The following DNAH6 variants were observed in gnomAD, a reference collection of about 807,000 sequenced individuals.
DNAH6 encodes dynein axonemal heavy chain 6.
A neutral mutation model predicts 491.4 loss-of-function variants in DNAH6; 340 were observed. That is an observed-to-expected ratio of 0.69 (90% confidence interval 0.63 to 0.76). The LOEUF (loss-of-function observed/expected upper bound fraction) is 0.76. Among genes scored for constraint, DNAH6 ranks in the 30% least tolerant of loss-of-function variants. The pLI is 0.00. For missense variants in DNAH6, 4,443 were observed against 4,972.2 expected (o/e 0.89, Z 3.20); for synonymous variants, 1,603 against 1,686.1 (o/e 0.95, Z 1.21).
the DNAH6 span, among the ~76,000 whole-genome samples, chr2:84,476,676 T>A: frequency 6.6e-6 from 1 of 152,118 alleles, no homozygotes; most frequent in Non-Finnish European, 1.5e-5. Flanking sequence ...GAATTTTTGC[T>A]CCATCCTTAT....
chr2:84,599,525 G>T (rs778906966), intron 18 of DNAH6, among the ~76,000 whole-genome samples: 60 of 151,940 alleles, frequency 3.9e-4, no homozygotes, highest in Non-Finnish European at 8.2e-4. Context: ...AGGTATCAAG[G>T]TGTACTTTTG....
At chr2:84,490,186 G>A in the DNAH6 span, among the ~76,000 whole-genome samples, 3 of 151,978 alleles carry the variant, frequency 2.0e-5, no homozygotes, top group Admixed American at 6.6e-5. Context: ...TGTCTTTAGT[G>A]TTCTACTTTC....
intron 59 of DNAH6, among the ~76,000 whole-genome samples, chr2:84,720,267 CTTTTTTTTTTTTTTTTT>C (rs56944137): frequency 0.03 from 1,501 of 49,680 alleles, 41 homozygotes; most frequent in African/African-American, 0.1. Flanking sequence ...AAGAGTGCTT[CTTTTTTTTTTTTTTTTT>C]TTTTTTTTTT....
the DNAH6 span, among the ~76,000 whole-genome samples, chr2:84,494,768 C>T: frequency 0.068 from 10,395 of 152,254 alleles, 1,152 homozygotes; most frequent in African/African-American, 0.24. Context: ...GGCACCATTC[C>T]AGCCTTCCAT....
At chr2:84,646,262 TCTGA>T (rs746933226) in intron 33 of DNAH6, among the ~76,000 whole-genome samples, 15 of 152,200 alleles carry the variant, frequency 9.9e-5, no homozygotes, top group Non-Finnish European at 1.6e-4. Flanking sequence ...ATGTGTGTGC[TCTGA>T]CTGCTCCACA....
intron 14 of DNAH6, among the ~76,000 whole-genome samples, chr2:84,580,230 G>A (rs539964974): frequency 1.3e-5 from 2 of 152,180 alleles, no homozygotes; most frequent in South Asian, 4.2e-4. Context: ...AGGTGGAGGT[G>A]GGGAGAAAAA....
chr2:84,790,735 G>A (rs892869337), intron 68 of DNAH6, among the ~76,000 whole-genome samples: 1 of 152,182 alleles, frequency 6.6e-6, no homozygotes, highest in Middle Eastern at 3.4e-3. Flanking sequence ...AATAACAAAC[G>A]CAGGTGAGCA....
rs75621502 is a variant in DNAH6, at chr2:84,629,095, C to G, written c.4515+4032C>G. Among the ~76,000 whole-genome samples, 1,030 of 152,208 alleles carry G rather than the reference C, an allele frequency of 6.8e-3. 14 individuals carry two copies. Among genetic ancestry groups the G allele is most frequent in the African/African-American group, 0.023 (955 of 41,518 alleles). On this transcript the variant is annotated intron_variant, in intron 29 of 76. Transcript: ENST00000389394. ...TCTATGAGATTCATCCAGGCTAATA[C>G]TATAGCTCTATTTTTTTAATTCGTT...
rs929460915 is a variant in DNAH6 at position 84,720,176 on chromosome 2, C to A, written c.9792+1792C>A. On this transcript the variant is annotated intron_variant, in intron 59 of 76. Coordinates refer to ENST00000389394, the MANE Select transcript of DNAH6 (RefSeq NM_001370.2). ...TCTGCCAGGGTGAGAAAGGGACAAA[C>A]CCCTGGCCATGGGTGGTGTGGGAAG... is the stretch of plus-strand genomic sequence containing the variant. Among the ~76,000 whole-genome samples, 4 of 151,472 alleles carry A rather than the reference C, an allele frequency of 2.6e-5. No homozygotes were observed. In the East Asian group the frequency reaches 7.8e-4, roughly 29 times the overall value.
rs1489866575 is a variant in DNAH6, at chr2:84,525,542, A to G, written c.226-23A>G. On this transcript the variant is annotated intron_variant, in intron 2 of 76. Transcript: ENST00000389394. ...TTTATACGAATGTTAATAAAAATTAACATGTCTCTCTATTTCCCAAAGCCA... is the reference window on the plus strand; with the variant it reads ...TTTATACGAATGTTAATAAAAATTAGCATGTCTCTCTATTTCCCAAAGCCA... 12 of 1,525,916 alleles carry G rather than the reference A, an allele frequency of 7.9e-6. No homozygotes were observed. The South Asian group carries it at 1.1e-4, about 15-fold the overall frequency. The allele number at this position is 1,525,916 out of a possible 1,614,324, so 94.5% of individuals were successfully genotyped here.
rs764782264 is a variant in DNAH6, at chr2:84,710,315, G to T, written c.9281G>T (p.Ser3094Ile). Residue 3094 changes from serine (S) to isoleucine (I), a missense_variant, in exon 56 of 77, where the codon AGC becomes ATC. Around this residue, in one of 3 missense-constraint regions of DNAH6, gnomAD observed 1,463 missense variants for 1,656.6 expected, o/e 0.88. Coordinates refer to ENST00000389394, the MANE Select transcript of DNAH6 (RefSeq NM_001370.2). ...AACCGTTGGATAAGGAACAAGGAAA[G>T]CAAAAGTGGTTTAAAGATCATTAAG... ...QANRWIRNKE[S>I]KSGLKIIKLT... 1.4e-5 allele frequency: 21 copies of T among 1,551,544 alleles called. No homozygotes were observed. Among genetic ancestry groups the T allele is most frequent in the Non-Finnish European group, 1.7e-5 (20 of 1,146,948 alleles).
chr2:84,568,627 G>A (rs1200057429), intron 11 of DNAH6, among the ~76,000 whole-genome samples: 1 of 152,136 alleles, frequency 6.6e-6, no homozygotes, highest in Non-Finnish European at 1.5e-5. Context: ...ATACCTAGGT[G>A]ATGGGTTGAT....
At chr2:84,497,418 G>A in the DNAH6 span, among the ~76,000 whole-genome samples, 1 of 152,126 alleles carries the variant, frequency 6.6e-6, no homozygotes, top group East Asian at 1.9e-4. Context: ...AAATTCACAT[G>A]CAAGTGTTTG....
In DNAH6 at chr2:84,814,492, T is replaced by C. The variant is rs139577857; in HGVS notation, c.12150+370T>C. Among the ~76,000 whole-genome samples, 624 of 152,334 alleles carry C rather than the reference T, an allele frequency of 4.1e-3. 1 individual carries two copies. The highest frequency in any genetic ancestry group is 0.014 in the African/African-American group (577 of 41,570). ...CCAGCTGCATGTGCTGGAGCAATTG[T>C]TAACATGTCTGCACCTCATATTATT... On this transcript the variant is annotated intron_variant, in intron 75 of 76. Transcript: ENST00000389394.
At chr2:84,772,596 A>G (rs1291211780) in intron 64 of DNAH6, among the ~76,000 whole-genome samples, 1 of 152,152 alleles carries the variant, frequency 6.6e-6, no homozygotes, top group African/African-American at 2.4e-5. Context: ...TCAAAAAGAC[A>G]TAACAATTGT....
intron 4 of DNAH6, among the ~76,000 whole-genome samples, chr2:84,542,364 G>A (rs148120945): frequency 2.8e-3 from 425 of 152,196 alleles, no homozygotes; most frequent in Non-Finnish European, 4.6e-3. Context: ...TATTGACAAC[G>A]AGAAAAGGAA....
chr2:84,600,764 C>A lies in DNAH6; in HGVS notation c.2869-3575C>A, dbSNP rs115867754. On this transcript the variant is annotated intron_variant, in intron 18 of 76. Transcript: ENST00000389394. ...CAGCTTGACCACATGGCTGAAGTAG[C>A]ATTTGTCTTAACTGTACAGTTACTA... Among the ~76,000 whole-genome samples the A allele has an allele frequency of 7.2e-3, 1,091 of 151,968 alleles. 14 individuals carry two copies. The highest frequency in any genetic ancestry group is 8.1e-3 in the Non-Finnish European group (551 of 67,916).
At chr2:84,797,444 G>A in intron 69 of DNAH6, 93 bp from the exon 70 acceptor site, 1 of 1,253,544 alleles carries the variant, frequency 8.0e-7, no homozygotes, top group Non-Finnish European at 1.1e-6. Flanking sequence ...GCTGATTGCA[G>A]CCACCATCTG....
chr2:84,559,165 C>T (rs1558713828), intron 11 of DNAH6, among the ~76,000 whole-genome samples: 1 of 152,026 alleles, frequency 6.6e-6, no homozygotes, highest in Non-Finnish European at 1.5e-5. Context: ...TGAGGTTAAT[C>T]TAAAGTCACA....
Sources: allele counts gnomAD v4.1 joint callset (sites outside exome capture counted in the v4.1 genomes callset), GRCh38; gene constraint gnomAD v4.1.1; regional missense constraint gnomAD v4.1.1; transcripts MANE v1.5; gene names NCBI Gene and HGNC (gene_info 2026-07-23, HGNC 2026-07-21).